NR5A2: variants seen among roughly 807,000 people sequenced by gnomAD.
The protein encoded by NR5A2 is CYP7A promoter-binding factor.
Under a neutral mutation model 62.7 loss-of-function variants are expected in NR5A2, and 26 were observed. The observed-to-expected ratio is 0.41, with a 90% CI of 0.30 to 0.58. The LOEUF (loss-of-function observed/expected upper bound fraction) is 0.58, where lower values mean the gene tolerates loss of function less well. NR5A2 is among the 20% of genes least tolerant of loss of function. The probability of loss-of-function intolerance (pLI) is 0.22; values close to 1 mark genes in which losing one functional copy is unlikely to be tolerated. For synonymous variants in NR5A2, 246 were observed against 241.7 expected (o/e 1.02, Z -0.16); for missense variants, 541 against 669.1 (o/e 0.81, Z 2.11).
At chr1:200,089,713 A>C (rs1374397803) in intron 5 of NR5A2, among the ~76,000 whole-genome samples, 3 of 151,906 alleles carry the variant, frequency 2.0e-5, no homozygotes, top group Non-Finnish European at 4.4e-5. Flanking sequence ...CAAGGGATCC[A>C]TCCTCCTCAG....
chr1:200,048,737 G>T lies in NR5A2; in HGVS notation c.1029G>T (p.Gly343=), dbSNP rs1392735185. The T allele has an allele frequency of 2.5e-6, 4 of 1,614,084 alleles. No individual in the cohort carries two copies. In the Admixed American group the frequency reaches 6.7e-5, roughly 27 times the overall value. Residue 343 remains glycine (G), a synonymous_variant, in exon 5 of 8, where the codon GGG becomes GGT. Transcript: ENST00000367362. The surrounding 1 kb of genome is among the most constrained non-coding windows in gnomAD (Gnocchi z 4.8). ...AGCACGAAAAGCTGAGCACCTTTGGGCTTATGTGCAAAATGGCAGATCAAA... is the reference window on the plus strand; with the variant it reads ...AGCACGAAAAGCTGAGCACCTTTGGTCTTATGTGCAAAATGGCAGATCAAA... ...RSKHEKLSTF[G]LMCKMADQTL...
chr1:200,048,888 C>T lies in NR5A2; in HGVS notation c.1110+70C>T. 3 of 1,525,732 alleles carry T rather than the reference C, an allele frequency of 2.0e-6. No individual in the cohort carries two copies. Among genetic ancestry groups the T allele is most frequent in the Non-Finnish European group, 2.7e-6 (3 of 1,117,884 alleles). The allele number at this position is 1,525,732 out of a possible 1,614,324, so 94.5% of individuals were successfully genotyped here. A position where few individuals can be genotyped will look rare whatever the true frequency, so the allele number is the denominator to read the frequency against. On this transcript the variant is annotated intron_variant, in intron 5 of 7. Transcript: ENST00000367362. This position sits in a 1 kb window ranked among gnomAD's most constrained non-coding sequence, Gnocchi z 4.8. ...GACCTAACTATGTTCCTAATTAATA[C>T]ATTCTTGGTGCTGAAAATATGTGTT...
chr1:200,091,525 C>T (rs1664814517), intron 5 of NR5A2, among the ~76,000 whole-genome samples: 1 of 148,026 alleles, frequency 6.8e-6, no homozygotes, highest in Non-Finnish European at 1.5e-5. Flanking sequence ...TGCTCTGTCA[C>T]CCAGGTGGGA....
Position 200,071,779 on chromosome 1 carries a change from C to T in NR5A2, c.1110+22961C>T, listed in dbSNP as rs536890336. Among the ~76,000 whole-genome samples, 45 of 152,244 alleles carry T rather than the reference C, an allele frequency of 3.0e-4. 1 individual carries two copies. The South Asian group carries it at 9.3e-3, about 32-fold the overall frequency. On this transcript the variant is annotated intron_variant, in intron 5 of 7. Coordinates refer to ENST00000367362, the MANE Select transcript of NR5A2 (RefSeq NM_205860.3). ...GAGCAGAGCCGATATTCAGTGGGACCACAGGATCAAGCACTGCCTGTGTTA... is the reference window on the plus strand; with the variant it reads ...GAGCAGAGCCGATATTCAGTGGGACTACAGGATCAAGCACTGCCTGTGTTA...
At position 200,134,510 on chromosome 1, in the gene NR5A2, G is replaced by T. The variant is rs183980517; in HGVS notation, c.1378+13555G>T. The stretch of plus-strand genomic sequence containing the variant: ...TAGGTTTGTAGCCTAGGAGCAATAG[G>T]CTTTACCACATATCCCGGGTGTGTA... On this transcript the variant is annotated intron_variant, in intron 7 of 7. Coordinates refer to ENST00000367362, the MANE Select transcript of NR5A2 (RefSeq NM_205860.3). 4.7e-3 allele frequency among the ~76,000 whole-genome samples: 711 copies of T among 152,286 alleles called. 4 individuals are homozygous for T. Among genetic ancestry groups the T allele is most frequent in the African/African-American group, 0.016 (673 of 41,554 alleles).
At chr1:200,101,031 T>C (rs1315649538) in intron 5 of NR5A2, among the ~76,000 whole-genome samples, 1 of 152,348 alleles carries the variant, frequency 6.6e-6, no homozygotes, top group East Asian at 1.9e-4. Flanking sequence ...TCATCTTATA[T>C]GTGAGTTTAT....
chr1:200,028,181 T>G (rs1199114529), intron 1 of NR5A2, among the ~76,000 whole-genome samples: 1 of 152,150 alleles, frequency 6.6e-6, no homozygotes, highest in East Asian at 1.9e-4. Flanking sequence ...AAATATAATT[T>G]ATACTTTATC....
At chr1:200,114,303 T>C (rs11586281) in intron 6 of NR5A2, among the ~76,000 whole-genome samples, 4 of 49,066 alleles carry the variant, frequency 8.2e-5, no homozygotes, top group East Asian at 1.9e-3. Flanking sequence ...TACACACACA[T>C]ATATATGATA....
At chr1:200,045,138 T>TA (rs199877098) in intron 3 of NR5A2, among the ~76,000 whole-genome samples, 15 of 151,864 alleles carry the variant, frequency 9.9e-5, no homozygotes, top group South Asian at 2.1e-4. Flanking sequence ...GAAAATAGAT[T>TA]AAAAAAAAAT....
Position 200,048,417 on chromosome 1 carries a change from A to C in NR5A2, c.709A>C (p.Arg237=). Reference sequence around the variant, plus strand: ...TGCCTTGCCTCCTACAGACTATGACAGAAGTCCCTTTGTAACATCCCCCAT... The same window carrying C: ...TGCCTTGCCTCCTACAGACTATGACCGAAGTCCCTTTGTAACATCCCCCAT... ...HAALPPTDYD[R]SPFVTSPISM... The change falls in exon 5 of 8, where the codon AGA becomes CGA. Residue 237 remains arginine (R), a synonymous_variant. Coordinates refer to ENST00000367362, the MANE Select transcript of NR5A2 (RefSeq NM_205860.3). The surrounding 1 kb of genome is among the most constrained non-coding windows in gnomAD (Gnocchi z 4.8). 5.0e-6 allele frequency: 8 copies of C among 1,614,178 alleles called. No homozygotes were observed. Among genetic ancestry groups the C allele is most frequent in the Non-Finnish European group, 6.8e-6 (8 of 1,180,034 alleles).
At chr1:200,123,372 G>A (rs996479846) in intron 7 of NR5A2, among the ~76,000 whole-genome samples, 1 of 152,254 alleles carries the variant, frequency 6.6e-6, no homozygotes, top group Non-Finnish European at 1.5e-5. Context: ...TTAAAGGCAA[G>A]AGAGAGCAAA....
intron 5 of NR5A2, chr1:200,053,950 C>T (rs139133191): frequency 2.6e-5 from 4 of 152,320 alleles, no homozygotes; most frequent in Non-Finnish European, 4.4e-5. Flanking sequence ...TGTGCTCTGC[C>T]GTTAAAGCGG....
intron 5 of NR5A2, among the ~76,000 whole-genome samples, chr1:200,101,522 C>A (rs1286384845): frequency 6.6e-6 from 1 of 152,180 alleles, no homozygotes; most frequent in Non-Finnish European, 1.5e-5. Flanking sequence ...TTGAGCACAA[C>A]TCTTAAGGGA....
At chr1:200,145,468 T>TGTGTGTGTGTG (rs1667654125) in intron 7 of NR5A2, among the ~76,000 whole-genome samples, 1 of 142,114 alleles carries the variant, frequency 7.0e-6, no homozygotes, top group African/African-American at 2.6e-5. Context: ...TTGATAGAAT[T>TGTGTGTGTGTG]TGTGTGTGTG....
At chr1:200,124,431 C>T (rs949187017) in intron 7 of NR5A2, among the ~76,000 whole-genome samples, 54 of 152,154 alleles carry the variant, frequency 3.5e-4, no homozygotes, top group Non-Finnish European at 1.0e-4. Context: ...CTGACGTTTC[C>T]CCCCTCAGAT....
chr1:200,093,481 A>G (rs1437832799), intron 5 of NR5A2, among the ~76,000 whole-genome samples: 2 of 152,218 alleles, frequency 1.3e-5, no homozygotes, highest in Non-Finnish European at 2.9e-5. Context: ...AAAGATGTAT[A>G]GATTCCAGAT....
At chr1:200,146,820 ATAAG>A (rs1437876844) in intron 7 of NR5A2, among the ~76,000 whole-genome samples, 2 of 152,212 alleles carry the variant, frequency 1.3e-5, no homozygotes, top group African/African-American at 2.4e-5. Context: ...CAAAGGCTAA[ATAAG>A]TTTTTACTGA....
intron 6 of NR5A2, among the ~76,000 whole-genome samples, chr1:200,116,009 G>A (rs1003321882): frequency 6.6e-6 from 1 of 151,598 alleles, no homozygotes; most frequent in Non-Finnish European, 1.5e-5. Flanking sequence ...AGATTTCCAG[G>A]TTTACTTACA....
intron 5 of NR5A2, among the ~76,000 whole-genome samples, chr1:200,105,038 A>C (rs1386667941): frequency 1.3e-5 from 2 of 152,000 alleles, no homozygotes; most frequent in African/African-American, 4.8e-5. Flanking sequence ...GGCTTACTGC[A>C]ATCTTTACCT....
Sources: gnomAD v4.1 joint callset for allele counts (sites outside exome capture counted in the v4.1 genomes callset) on GRCh38, gnomAD v4.1.1 for gene constraint, Gnocchi (gnomAD v3.1) non-coding constraint, MANE v1.5 for transcripts, NCBI Gene and HGNC (gene_info 2026-07-23, HGNC 2026-07-21) for gene names.